Variants in TGFBR3 observed in about 807,000 individuals in gnomAD.
TGFBR3 encodes transforming growth factor beta receptor type 3.
Under a neutral mutation model 87.9 loss-of-function variants are expected in TGFBR3, and 46 were observed. The ratio of observed to expected loss-of-function variants is 0.52; its 90% CI spans 0.41 to 0.67. The LOEUF (loss-of-function observed/expected upper bound fraction) is 0.67. Among genes scored for constraint, TGFBR3 ranks in the 30% least tolerant of loss-of-function variants. TGFBR3 has a pLI of 0.00. For synonymous variants in TGFBR3, 381 were observed against 391.6 expected, an observed-to-expected ratio of 0.97 and a Z score of 0.32; for missense variants, 866 against 1,041.9, an observed-to-expected ratio of 0.83 and a Z score of 2.32.
intron 3 of TGFBR3, among the ~76,000 whole-genome samples, chr1:91,766,066 C>T (rs373471912): frequency 4.9e-4 from 75 of 152,222 alleles, no homozygotes; most frequent in African/African-American, 1.8e-3. Flanking sequence ...CTCACTCTGT[C>T]GCCCAGGCTG....
chr1:91,881,875 G>A (rs1571601199), intron 1 of TGFBR3, among the ~76,000 whole-genome samples: 1 of 151,470 alleles, frequency 6.6e-6, no homozygotes, highest in African/African-American at 2.4e-5. Flanking sequence ...CCGTCTCTAC[G>A]AAAAATATAA....
intron 3 of TGFBR3, 45 bp downstream of exon 3, chr1:91,797,242 T>G: frequency 2.5e-6 from 4 of 1,603,250 alleles, no homozygotes; most frequent in Non-Finnish European, 3.4e-6. Context: ...AAATCATCTC[T>G]GCAGACTCAG....
intron 2 of TGFBR3, among the ~76,000 whole-genome samples, chr1:91,809,181 A>G (rs1397472191): frequency 2.0e-5 from 3 of 152,246 alleles, no homozygotes; most frequent in Non-Finnish European, 4.4e-5. Context: ...GAGGGATGAC[A>G]TTACCAAATC....
chr1:91,839,507 C>A (rs189079234), intron 2 of TGFBR3, among the ~76,000 whole-genome samples: 213 of 152,300 alleles, frequency 1.4e-3, no homozygotes, highest in African/African-American at 5.1e-3. Flanking sequence ...ATCACTCTAG[C>A]CAAGTGACCA....
upstream of TGFBR3, chr1:91,886,172 G>A: frequency 2.2e-6 from 1 of 453,952 alleles, no homozygotes; most frequent in South Asian, 1.6e-5. Context: ...GGCCGACCCG[G>A]CGCACTCGCC....
chr1:91,716,482 T>C, intron 11 of TGFBR3, 86 bp downstream of exon 11: 1 of 1,613,864 alleles, frequency 6.2e-7, no homozygotes, highest in Non-Finnish European at 8.5e-7. Flanking sequence ...TTTTAACATC[T>C]GATTTTATTT....
At chr1:91,872,875 G>A (rs1250174984) in intron 1 of TGFBR3, among the ~76,000 whole-genome samples, 1 of 152,074 alleles carries the variant, frequency 6.6e-6, no homozygotes. Flanking sequence ...ATGAAAACGA[G>A]GTCAGTGTTC....
intron 4 of TGFBR3, among the ~76,000 whole-genome samples, chr1:91,743,483 C>A (rs1236250960): frequency 1.3e-5 from 2 of 152,154 alleles, no homozygotes; most frequent in East Asian, 3.9e-4. Context: ...ACCCCACCAC[C>A]CAGCCCCACT....
chr1:91,876,227 T>A (rs1433125693), intron 1 of TGFBR3, among the ~76,000 whole-genome samples: 1 of 152,074 alleles, frequency 6.6e-6, no homozygotes, highest in Non-Finnish European at 1.5e-5. Context: ...TATCAAAGAT[T>A]ATGCAGCATC....
At chr1:91,730,321 A>G (rs768485732) in intron 5 of TGFBR3, among the ~76,000 whole-genome samples, 22 of 152,144 alleles carry the variant, frequency 1.4e-4, no homozygotes, top group Admixed American at 2.6e-4. Context: ...ACCCCAACCC[A>G]GAGAATCTGA....
intron 3 of TGFBR3, among the ~76,000 whole-genome samples, chr1:91,788,200 T>C (rs372491633): frequency 1.2e-4 from 19 of 152,280 alleles, no homozygotes; most frequent in Middle Eastern, 3.4e-3. Flanking sequence ...ATAGTGAACA[T>C]GTCACCGCTA....
chr1:91,712,613 T>G (rs1306521725), intron 12 of TGFBR3, 71 bp from the exon 13 acceptor site: 1 of 1,464,036 alleles, frequency 6.8e-7, no homozygotes, highest in Non-Finnish European at 9.5e-7. Flanking sequence ...ACAAGGACCA[T>G]ATGCCAAGAC....
intron 2 of TGFBR3, among the ~76,000 whole-genome samples, chr1:91,803,982 T>TC (rs1178343396): frequency 6.6e-6 from 1 of 152,128 alleles, no homozygotes; most frequent in Non-Finnish European, 1.5e-5. Flanking sequence ...ACCCAACCAC[T>TC]CTGTCTGCTG....
intron 2 of TGFBR3, among the ~76,000 whole-genome samples, chr1:91,832,029 T>G (rs1414039686): frequency 6.6e-6 from 1 of 152,248 alleles, no homozygotes; most frequent in Non-Finnish European, 1.5e-5. Flanking sequence ...TGTTGCCTTA[T>G]GAACACAGTG....
At chr1:91,689,409 A>T (rs1308567073) in intron 16 of TGFBR3, among the ~76,000 whole-genome samples, 1 of 152,196 alleles carries the variant, frequency 6.6e-6, no homozygotes, top group Non-Finnish European at 1.5e-5. Context: ...CACGACAGCA[A>T]GGACTTTCTG....
At chr1:91,875,865 C>G (rs1303766663) in intron 1 of TGFBR3, among the ~76,000 whole-genome samples, 1 of 116,194 alleles carries the variant, frequency 8.6e-6, no homozygotes, top group East Asian at 2.8e-4. Flanking sequence ...GAGCCAACGT[C>G]GTGCCAATGC....
intron 3 of TGFBR3, among the ~76,000 whole-genome samples, chr1:91,760,339 C>T (rs1673912333): frequency 6.6e-6 from 1 of 152,162 alleles, no homozygotes; most frequent in Non-Finnish European, 1.5e-5. Flanking sequence ...TCGCTTGAAC[C>T]CAGGAAGTGG....
chr1:91,700,619 GAAAATA>G (rs1671586010), intron 14 of TGFBR3, among the ~76,000 whole-genome samples: 1 of 152,110 alleles, frequency 6.6e-6, no homozygotes, highest in South Asian at 2.1e-4. Context: ...CAATTACTAA[GAAAATA>G]AAAATGATTG....
At chr1:91,732,735 G>A (rs905665313) in intron 5 of TGFBR3, among the ~76,000 whole-genome samples, 3 of 152,184 alleles carry the variant, frequency 2.0e-5, no homozygotes, top group Admixed American at 6.5e-5. Flanking sequence ...GGGTTCCGAA[G>A]GTGTTACCAA....
Sources: gnomAD v4.1 joint callset for allele counts (sites outside exome capture counted in the v4.1 genomes callset) on GRCh38, gnomAD v4.1.1 for gene constraint, MANE v1.5 for transcripts, NCBI Gene and HGNC (gene_info 2026-07-23, HGNC 2026-07-21) for gene names.